The following DIAPH2 variants were observed in gnomAD, a reference collection of about 807,000 sequenced individuals.
DIAPH2 encodes the protein protein diaphanous homolog 2.
Under a neutral mutation model 92.7 loss-of-function variants are expected in DIAPH2, and 35 were observed. The observed-to-expected ratio is 0.38, with a 90% CI of 0.29 to 0.50. The LOEUF is 0.50. Among genes scored for constraint, DIAPH2 ranks in the 20% least tolerant of loss-of-function variants. DIAPH2 has a pLI of 0.94. For synonymous variants in DIAPH2, 301 were observed against 280.4 expected (o/e 1.07, Z -0.73); for missense variants, 701 against 819.5 (o/e 0.86, Z 1.77).
chrX:97,435,813 T>C (rs1331092788), intron 26 of DIAPH2, among the ~76,000 whole-genome samples: 1 of 101,452 alleles, frequency 9.9e-6, no homozygotes, highest in Non-Finnish European at 2.0e-5. Flanking sequence ...TTTTTTTCCT[T>C]TTTTTTTTTT....
In DIAPH2 at chrX:96,732,742, T is replaced by C. The variant is rs192729778; in HGVS notation, c.133-3016T>C. ...AAAGCACAGTCCTTCTCCAGTATTA[T>C]TTTTGACCAGGGGTCCACATTTGGT... On this transcript the variant is annotated intron_variant, in intron 1 of 26. Coordinates refer to ENST00000324765, the MANE Select transcript of DIAPH2 (RefSeq NM_006729.5). Among the ~76,000 whole-genome samples the C allele has an allele frequency of 2.7e-5, 3 of 112,331 alleles. No individual in the cohort carries two copies. The Admixed American group carries it at 2.8e-4, about 11-fold the overall frequency.
At chrX:96,980,172 C>T (rs1288427851) in intron 17 of DIAPH2, among the ~76,000 whole-genome samples, 1 of 111,637 alleles carries the variant, frequency 9.0e-6, no homozygotes, top group East Asian at 2.8e-4. Flanking sequence ...CTTCTGTAAC[C>T]TGAACTCTTG....
chrX:97,102,709 G>A (rs1310701325), intron 20 of DIAPH2, among the ~76,000 whole-genome samples: 1 of 111,958 alleles, frequency 8.9e-6, no homozygotes, highest in Non-Finnish European at 1.9e-5. Flanking sequence ...GGAAGCCGAG[G>A]CGGGAGGATC....
Position 97,600,593 on chromosome X carries a change from A to AAGTT in DIAPH2, c.*1278_*1281dup, listed in dbSNP as rs1246819918. 3.6e-5 allele frequency: 4 copies of AAGTT among 112,468 alleles called. No homozygotes were observed. Among genetic ancestry groups the AAGTT allele is most frequent in the East Asian group, 2.8e-4 (1 of 3,587 alleles). 9.3% of individuals were successfully genotyped at this position (112,468 alleles called of 1,213,427 possible). A position where few individuals can be genotyped will look rare whatever the true frequency, so the allele number is the denominator to read the frequency against. ...TTTTCTTAAATAAATTAGGGAGTAA[A>AAGTT]AGTTATACTTAACTTGTCTGTCTAT... On this transcript the variant is annotated 3_prime_UTR_variant, in exon 27 of 27. Transcript: ENST00000324765.
intron 7 of DIAPH2, among the ~76,000 whole-genome samples, chrX:96,915,358 T>C (rs1472765682): frequency 3.6e-5 from 4 of 110,456 alleles, no homozygotes; most frequent in Non-Finnish European, 7.6e-5. Context: ...CCTTTATACA[T>C]ACTTATCTAT....
chrX:97,467,793 A>G (rs772866687), intron 26 of DIAPH2, among the ~76,000 whole-genome samples: 1 of 112,305 alleles, frequency 8.9e-6, no homozygotes, highest in South Asian at 3.7e-4. Flanking sequence ...TTAGATGCTT[A>G]ATCTAAACCT....
chrX:97,145,753 G>C (rs774454263), intron 22 of DIAPH2, among the ~76,000 whole-genome samples: 53 of 110,593 alleles, frequency 4.8e-4, no homozygotes, highest in African/African-American at 1.7e-3. Context: ...TTCAGACTGA[G>C]AATTCTCAAC....
chrX:97,115,672 C>T (rs1363119938), intron 21 of DIAPH2, among the ~76,000 whole-genome samples: 1 of 111,994 alleles, frequency 8.9e-6, no homozygotes, highest in Admixed American at 9.5e-5. Context: ...ATATAGTTTG[C>T]TTATTCTACT....
chrX:96,939,080 A>G (rs1199687401), intron 11 of DIAPH2, among the ~76,000 whole-genome samples, 186 bp from the exon 12 acceptor site: 2 of 111,589 alleles, frequency 1.8e-5, no homozygotes, highest in Non-Finnish European at 3.8e-5. Context: ...CTCTCTAGTT[A>G]AAAGATCAAA....
intron 15 of DIAPH2, among the ~76,000 whole-genome samples, chrX:96,951,587 C>A (rs969525906): frequency 5.4e-5 from 6 of 111,539 alleles, no homozygotes; most frequent in African/African-American, 2.0e-4. Context: ...CTTAGCCTCC[C>A]AAGGAGTAGC....
At chrX:96,732,236 A>G (rs928386486) in intron 1 of DIAPH2, among the ~76,000 whole-genome samples, 8 of 111,813 alleles carry the variant, frequency 7.2e-5, no homozygotes, top group Admixed American at 1.9e-4. Flanking sequence ...TTTGACTAAT[A>G]TAGAAAGATA....
intron 22 of DIAPH2, among the ~76,000 whole-genome samples, chrX:97,200,208 T>C: frequency 8.9e-6 from 1 of 112,185 alleles, no homozygotes; most frequent in Non-Finnish European, 1.9e-5. Flanking sequence ...ATCAGGAGAT[T>C]CCCTCGTATG....
intron 24 of DIAPH2, among the ~76,000 whole-genome samples, chrX:97,364,950 A>C (rs935574029): frequency 9.0e-6 from 1 of 110,557 alleles, no homozygotes; most frequent in African/African-American, 3.3e-5. Flanking sequence ...GGATGCCTCT[A>C]ACTAGATTTG....
intron 4 of DIAPH2, among the ~76,000 whole-genome samples, chrX:96,837,384 C>A (rs955692221): frequency 6.1e-5 from 6 of 97,644 alleles, no homozygotes; most frequent in African/African-American, 2.2e-4. Context: ...TGCCTCCTTC[C>A]CTCCCTCCCT....
chrX:96,957,399 A>G (rs966129940), intron 15 of DIAPH2, among the ~76,000 whole-genome samples: 4 of 111,948 alleles, frequency 3.6e-5, no homozygotes, highest in African/African-American at 1.3e-4. Context: ...GAAACTTCCA[A>G]TCATGGCCAA....
chrX:96,997,028 G>A (rs972634807), intron 17 of DIAPH2, among the ~76,000 whole-genome samples: 3 of 111,947 alleles, frequency 2.7e-5, no homozygotes, highest in Admixed American at 9.5e-5. Flanking sequence ...AATAAGAGTT[G>A]CAGTTGTTTC....
At chrX:97,507,141 C>CAAAAAAACAA (rs2070841357) in intron 26 of DIAPH2, among the ~76,000 whole-genome samples, 1 of 31,131 alleles carries the variant, frequency 3.2e-5, no homozygotes, top group Non-Finnish European at 5.4e-5. Flanking sequence ...ACAAAACCGA[C>CAAAAAAACAA]AAAAAAAAAA....
At chrX:97,495,108 A>G (rs1218387673) in intron 26 of DIAPH2, among the ~76,000 whole-genome samples, 1 of 112,385 alleles carries the variant, frequency 8.9e-6, no homozygotes, top group African/African-American at 3.2e-5. Flanking sequence ...CTGTGGGCCA[A>G]AGTGATATTT....
chrX:97,358,850 A>G (rs1435239875), intron 24 of DIAPH2, among the ~76,000 whole-genome samples: 1 of 112,182 alleles, frequency 8.9e-6, no homozygotes, highest in Admixed American at 9.5e-5. Context: ...TTTCCTATGC[A>G]TGTACATAAG....
Sources: gnomAD v4.1 joint callset for allele counts (sites outside exome capture counted in the v4.1 genomes callset) on GRCh38, gnomAD v4.1.1 for gene constraint, MANE v1.5 for transcripts, NCBI Gene and HGNC (gene_info 2026-07-23, HGNC 2026-07-21) for gene names.